The following TSC22D3 variants were observed in gnomAD, a reference collection of about 807,000 sequenced individuals.
TSC22D3 encodes the protein TSC22 domain family protein 3.
TSC22D3 carries 4 observed loss-of-function variants against 11.1 expected under a neutral mutation model. The observed-to-expected ratio is 0.36, with a 90% CI of 0.18 to 0.83. The LOEUF (loss-of-function observed/expected upper bound fraction) is 0.83. Ranked by LOEUF, TSC22D3 falls within the 40% of genes least tolerant of loss-of-function variation. The pLI, the probability that TSC22D3 is intolerant of heterozygous loss-of-function variation, is 0.48. For synonymous variants in TSC22D3, 77 were observed against 70.3 expected (o/e 1.10, Z -0.48); for missense variants, 118 against 159.4 (o/e 0.74, Z 1.40).
At position 107,713,234 on chromosome X, in the gene TSC22D3, A is replaced by G; in HGVS notation, c.*1285T>C. ...TCAGACACCAAGTTTATTTTTAGAA[A>G]AACAGAGCAAAGTTTATTGAAATTT... On this transcript the variant is annotated 3_prime_UTR_variant, in exon 3 of 3. Coordinates refer to ENST00000372383, the MANE Select transcript of TSC22D3 (RefSeq NM_198057.3). The G allele has an allele frequency of 8.9e-6, 1 of 111,798 alleles. No individual in the cohort carries two copies. The highest frequency in any genetic ancestry group is 3.3e-5 in the African/African-American group (1 of 30,671). 9.2% of individuals were successfully genotyped at this position (111,798 alleles called of 1,213,427 possible).
rs1315674228 is a variant in TSC22D3 at position 107,714,403 on chromosome X, G to A, written c.*116C>T. 1.7e-5 allele frequency: 11 copies of A among 649,558 alleles called. No individual in the cohort carries two copies. The highest frequency in any genetic ancestry group is 2.5e-5 in the Non-Finnish European group (11 of 438,584). The allele number at this position is 649,558 out of a possible 1,213,427, so 53.5% of individuals were successfully genotyped here. ...GTCCTTAGGACATCTCTTGGCACCA[G>A]CTGTGCTAGGTGTAAAGTTCTCCTC... On this transcript the variant is annotated 3_prime_UTR_variant, in exon 3 of 3. Coordinates refer to ENST00000372383, the MANE Select transcript of TSC22D3 (RefSeq NM_198057.3).
intron 1 of TSC22D3, among the ~76,000 whole-genome samples, chrX:107,762,674 A>G (rs1361191152): frequency 9.1e-6 from 1 of 109,655 alleles, no homozygotes; most frequent in Non-Finnish European, 1.9e-5. Flanking sequence ...CCTCCTCTGA[A>G]TGCTTGTAGT....
At chrX:107,763,577 A>C (rs1168296570) in intron 1 of TSC22D3, among the ~76,000 whole-genome samples, 1 of 110,726 alleles carries the variant, frequency 9.0e-6, no homozygotes, top group African/African-American at 3.3e-5. Flanking sequence ...GAAAATTTAC[A>C]CCTTGGGCCC....
intron 1 of TSC22D3, chrX:107,716,878 C>T: frequency 8.4e-7 from 1 of 1,192,393 alleles, no homozygotes; most frequent in Admixed American, 2.2e-5. Flanking sequence ...GGCTGGGTGG[C>T]TGCTGGCAGG....
chrX:107,769,395 T>C (rs1309808952), intron 1 of TSC22D3, among the ~76,000 whole-genome samples: 1 of 112,303 alleles, frequency 8.9e-6, no homozygotes, highest in Non-Finnish European at 1.9e-5. Context: ...ACACAAAATA[T>C]TGTATGATTC....
At chrX:107,727,410 C>A (rs1355488354) in intron 1 of TSC22D3, among the ~76,000 whole-genome samples, 2 of 112,369 alleles carry the variant, frequency 1.8e-5, no homozygotes, top group Admixed American at 9.4e-5. Flanking sequence ...CTGCTAGATC[C>A]GCATCCCTGA....
intron 1 of TSC22D3, among the ~76,000 whole-genome samples, chrX:107,727,367 G>A (rs1046225418): frequency 8.9e-6 from 1 of 112,303 alleles, no homozygotes; most frequent in African/African-American, 3.2e-5. Context: ...TAGCCAGCTG[G>A]CGACTTCATG....
At chrX:107,769,502 G>A (rs1929809255) in intron 1 of TSC22D3, among the ~76,000 whole-genome samples, 1 of 111,295 alleles carries the variant, frequency 9.0e-6, no homozygotes, top group Non-Finnish European at 1.9e-5. Context: ...GGGAAACGGT[G>A]AGTTATTCTT....
At chrX:107,730,960 C>T (rs1047893935) in intron 1 of TSC22D3, among the ~76,000 whole-genome samples, 9 of 112,302 alleles carry the variant, frequency 8.0e-5, no homozygotes, top group African/African-American at 2.9e-4. Flanking sequence ...GACTCCCAGT[C>T]TCCTTCACAA....
At chrX:107,743,623 C>T (rs776521565) in intron 1 of TSC22D3, among the ~76,000 whole-genome samples, 1 of 112,265 alleles carries the variant, frequency 8.9e-6, no homozygotes, top group African/African-American at 3.2e-5. Flanking sequence ...ACTCTAGACC[C>T]CTTTACTTGT....
chrX:107,729,896 A>T (rs777890000), intron 1 of TSC22D3, among the ~76,000 whole-genome samples: 1 of 112,909 alleles, frequency 8.9e-6, no homozygotes, highest in South Asian at 3.6e-4. Context: ...CTCATGAATC[A>T]CCAGTGCAGG....
At chrX:107,736,349 T>C (rs1284664142) in intron 1 of TSC22D3, among the ~76,000 whole-genome samples, 1 of 111,552 alleles carries the variant, frequency 9.0e-6, no homozygotes, top group African/African-American at 3.3e-5. Flanking sequence ...AAGCCTCCAC[T>C]TGGGGCCACT....
chrX:107,765,173 G>A (rs192990238), intron 1 of TSC22D3, among the ~76,000 whole-genome samples: 57 of 111,908 alleles, frequency 5.1e-4, no homozygotes, highest in African/African-American at 1.7e-3. Context: ...GCTTTCCATC[G>A]TGCCAAAGCC....
intron 1 of TSC22D3, among the ~76,000 whole-genome samples, chrX:107,774,623 T>G (rs1395156147): frequency 8.9e-6 from 1 of 112,092 alleles, no homozygotes; most frequent in Admixed American, 9.4e-5. Flanking sequence ...AGCAGTTTAA[T>G]TTGTCTTGAC....
chrX:107,739,522 G>A (rs775344588), intron 1 of TSC22D3, among the ~76,000 whole-genome samples: 2 of 112,482 alleles, frequency 1.8e-5, no homozygotes, highest in Non-Finnish European at 3.8e-5. Context: ...GGGAAACTGT[G>A]GCAAGGGCAT....
chrX:107,770,876 G>C (rs1929879712), intron 1 of TSC22D3, among the ~76,000 whole-genome samples: 1 of 112,301 alleles, frequency 8.9e-6, no homozygotes, highest in Non-Finnish European at 1.9e-5. Flanking sequence ...AACTTCTGCT[G>C]TTTGCCCAGA....
At chrX:107,748,543 C>T (rs774030052) in intron 1 of TSC22D3, among the ~76,000 whole-genome samples, 1 of 111,704 alleles carries the variant, frequency 9.0e-6, no homozygotes, top group South Asian at 3.8e-4. Context: ...ATCTGGGGCA[C>T]GGTGGGATCT....
At chrX:107,758,126 C>A (rs763524821) in intron 1 of TSC22D3, among the ~76,000 whole-genome samples, 1 of 110,195 alleles carries the variant, frequency 9.1e-6, no homozygotes, top group East Asian at 2.9e-4. Context: ...GGAGGGCTAG[C>A]AGGGAGGGAG....
At chrX:107,717,800 G>A (rs1049157522) in intron 1 of TSC22D3, among the ~76,000 whole-genome samples, 1 of 112,203 alleles carries the variant, frequency 8.9e-6, no homozygotes, top group Non-Finnish European at 1.9e-5. Flanking sequence ...CAGAGGAGGT[G>A]AGGAGGAGAC....
Sources: allele counts gnomAD v4.1 joint callset (sites outside exome capture counted in the v4.1 genomes callset), GRCh38; gene constraint gnomAD v4.1.1; transcripts MANE v1.5; gene names NCBI Gene and HGNC (gene_info 2026-07-23, HGNC 2026-07-21).